The following DENND2D variants were observed in gnomAD, a reference collection of about 807,000 sequenced individuals.
DENND2D encodes the protein DENN domain-containing protein 2D.
DENND2D carries 37 observed loss-of-function variants against 59.8 expected under a neutral mutation model. That is an observed-to-expected ratio of 0.62 (90% CI 0.48 to 0.81). The LOEUF (loss-of-function observed/expected upper bound fraction) is 0.81, where lower values mean the gene tolerates loss of function less well. DENND2D is among the 40% of genes least tolerant of loss of function. DENND2D has a pLI of 0.00. For missense variants in DENND2D, 525 were observed against 579.7 expected (o/e 0.91, Z 0.97); for synonymous variants, 219 against 211.3 (o/e 1.04, Z -0.31).
chr1:111,200,487 C>A lies in DENND2D; in HGVS notation c.-28G>T. 1 of 1,591,228 alleles carries A rather than the reference C, an allele frequency of 6.3e-7. No homozygotes were observed. Among genetic ancestry groups the A allele is most frequent in the Admixed American group, 1.7e-5 (1 of 57,390 alleles). On this transcript the variant is annotated 5_prime_UTR_variant, in exon 1 of 12. Transcript: ENST00000357640. ...CTGGGCCTTCAGGACAGAGCGGACT[C>A]CCCTCTCCCCTAACACAGACAGACT...
At chr1:111,197,522 A>G in intron 4 of DENND2D, 15 of 1,390,588 alleles carry the variant, frequency 1.1e-5, no homozygotes, top group Non-Finnish European at 1.3e-5. Context: ...GAGATGAAGA[A>G]ATGGCTAAGG....
Position 111,188,150 on chromosome 1 carries a change from C to T in DENND2D, c.1320G>A (p.Lys440=), listed in dbSNP as rs578084198. The change falls in exon 11 of 12, where the codon AAG becomes AAA. Residue 440 remains lysine, a synonymous_variant. Coordinates refer to ENST00000357640, the MANE Select transcript of DENND2D (RefSeq NM_024901.5). ...LFSLFIQEAE[K]SKNPPAGYFQ... is the part of the protein sequence containing the mutation. ...CTGTACCTGCAGGAGGATTCTTGCT[C>T]TTCTCGGCTTCCTGGATGAAAAGTG... 262 of 1,614,206 alleles carry T rather than the reference C, an allele frequency of 1.6e-4. 2 individuals are homozygous for T. The South Asian group carries it at 2.7e-3, about 17-fold the overall frequency.
rs1489904341 is a variant in DENND2D at position 111,194,564 on chromosome 1, G to A, written c.794+14C>T. On this transcript the variant is annotated intron_variant, in intron 7 of 11. Transcript: ENST00000357640. Reference sequence around the variant, plus strand: ...CTGGGCAGTTCAGGTGAGCCGTCCAGGGGCTGGGCCCACCTGAGACCTTCC... The same window carrying A: ...CTGGGCAGTTCAGGTGAGCCGTCCAAGGGCTGGGCCCACCTGAGACCTTCC... The A allele has an allele frequency of 3.7e-6, 6 of 1,613,320 alleles. No homozygotes were observed. In the South Asian group the frequency reaches 6.6e-5, roughly 18 times the overall value.
intron 9 of DENND2D, 146 bp downstream of exon 9, chr1:111,189,066 G>C: frequency 1.1e-6 from 1 of 907,846 alleles, no homozygotes; most frequent in Non-Finnish European, 1.7e-6. Context: ...ATGTCCATGG[G>C]CTCCTTGAGA....
intron 7 of DENND2D, among the ~76,000 whole-genome samples, chr1:111,193,541 C>T (rs1341941763): frequency 6.6e-6 from 1 of 152,212 alleles, no homozygotes; most frequent in Non-Finnish European, 1.5e-5. Context: ...TTGGTTATCA[C>T]CCATTTTTAC....
In DENND2D at chr1:111,198,677, G is replaced by A. The variant is rs1341260299; in HGVS notation, c.309C>T (p.Phe103=). 1 of 1,614,176 alleles carries A rather than the reference G, an allele frequency of 6.2e-7. No homozygotes were observed. The highest frequency in any genetic ancestry group is 8.5e-7 in the Non-Finnish European group (1 of 1,180,028). Residue 103 remains phenylalanine, a synonymous_variant, in exon 3 of 12, where the codon TTC becomes TTT. Coordinates refer to ENST00000357640, the MANE Select transcript of DENND2D (RefSeq NM_024901.5). ...EERLLKAIPL[F]CFPDGNEWAS... ...CCCACTCATTCCCATCTGGGAAGCA[G>A]AACAAGGGGATAGCTTTGAGCAGCC...
intron 7 of DENND2D, among the ~76,000 whole-genome samples, chr1:111,192,702 A>C (rs1479767976): frequency 1.3e-5 from 2 of 152,202 alleles, no homozygotes; most frequent in African/African-American, 4.8e-5. Flanking sequence ...ACAGATGTGG[A>C]TACCAGGAAG....
At position 111,197,137 on chromosome 1, in the gene DENND2D, C is replaced by G. The variant is rs756785878; in HGVS notation, c.504+39G>C. The G allele has an allele frequency of 2.4e-6, 3 of 1,266,052 alleles. No individual in the cohort carries two copies. The African/African-American group carries it at 5.9e-5, about 25-fold the overall frequency. The allele number at this position is 1,266,052 out of a possible 1,614,324, so 78.4% of individuals were successfully genotyped here. On this transcript the variant is annotated intron_variant, in intron 5 of 11. Coordinates refer to ENST00000357640, the MANE Select transcript of DENND2D (RefSeq NM_024901.5). ...AGGCAGGGTTGGCAGCCAGAGACAG[C>G]CTGGAATATGGGCAGGCCCTGAGGA...
Position 111,186,940 on chromosome 1 carries a change from C to G in DENND2D, c.*665G>C, listed in dbSNP as rs1657284295. Among the ~76,000 whole-genome samples, 2 of 152,144 alleles carry G rather than the reference C, an allele frequency of 1.3e-5. No homozygotes were observed. Among genetic ancestry groups the G allele is most frequent in the African/African-American group, 4.8e-5 (2 of 41,436 alleles). On this transcript the variant is annotated 3_prime_UTR_variant, in exon 12 of 12. Transcript: ENST00000357640. ...CCTCCCAGGATTCTGGAAAGCACAC[C>G]TGACTCCAAACCAAGGACTTAGATG...
chr1:111,200,035 G>C, intron 1 of DENND2D: 1 of 602,714 alleles, frequency 1.7e-6, no homozygotes, highest in Non-Finnish European at 2.9e-6. Context: ...CACTGACACA[G>C]AAGCCACGGA....
At position 111,187,112 on chromosome 1, in the gene DENND2D, T is replaced by C. The variant is rs1657296465; in HGVS notation, c.*493A>G. ...ACTTGTAGTCCACTTGATTGTCATA[T>C]TCATTGCCTTATTTTCCACGAGGAA... On this transcript the variant is annotated 3_prime_UTR_variant, in exon 12 of 12. Transcript: ENST00000357640. The C allele has an allele frequency of 6.4e-6, 1 of 156,352 alleles. No homozygotes were observed. Among genetic ancestry groups the C allele is most frequent in the Non-Finnish European group, 1.4e-5 (1 of 70,508 alleles). 9.7% of individuals were successfully genotyped at this position (156,352 alleles called of 1,614,324 possible). A position where few individuals can be genotyped will look rare whatever the true frequency, so the allele number is the denominator to read the frequency against.
Position 111,200,578 on chromosome 1 carries a change from C to T in DENND2D, c.-119G>A, listed in dbSNP as rs753886940. The T allele has an allele frequency of 1.6e-4, 245 of 1,506,244 alleles. No homozygotes were observed. The highest frequency in any genetic ancestry group is 2.0e-4 in the Non-Finnish European group (225 of 1,120,716). The allele number at this position is 1,506,244 out of a possible 1,614,324, so 93.3% of individuals were successfully genotyped here. ...GCCACAACTCTGTGAAGCCAAGCCA[C>T]GCGCTGTCTTCCAGAGAGGGAATAG... is the stretch of plus-strand genomic sequence containing the variant. On this transcript the variant is annotated 5_prime_UTR_variant, in exon 1 of 12. In the 5' UTR this introduces an upstream ATG that the reference lacks. Transcript: ENST00000357640.
chr1:111,199,922 C>T, intron 1 of DENND2D, 124 bp from the exon 2 acceptor site: 1 of 1,237,142 alleles, frequency 8.1e-7, no homozygotes, highest in Non-Finnish European at 1.1e-6. Context: ...TACCTGGATA[C>T]TGGCCAGAAC....
At chr1:111,197,579 G>A in intron 4 of DENND2D, 1 of 1,355,620 alleles carries the variant, frequency 7.4e-7, no homozygotes, top group Non-Finnish European at 9.5e-7. Flanking sequence ...TGAGACCTAA[G>A]ATTTGAAACT....
At chr1:111,199,868 C>T in intron 1 of DENND2D, 70 bp from the exon 2 acceptor site, 1 of 1,549,948 alleles carries the variant, frequency 6.5e-7, no homozygotes, top group Non-Finnish European at 8.7e-7. Flanking sequence ...CTGTGAGAAT[C>T]CGGGTGACCT....
At chr1:111,199,980 C>T (rs1252672350) in intron 1 of DENND2D, 182 bp from the exon 2 acceptor site, 3 of 715,184 alleles carry the variant, frequency 4.2e-6, no homozygotes, top group Non-Finnish European at 6.7e-6. Flanking sequence ...CCACACCTGC[C>T]CTGGTAGACT....
At chr1:111,192,805 C>T (rs1322093028) in intron 7 of DENND2D, among the ~76,000 whole-genome samples, 1 of 152,166 alleles carries the variant, frequency 6.6e-6, no homozygotes, top group Non-Finnish European at 1.5e-5. Context: ...AGAGGCAAAG[C>T]CTTTTTACCT....
chr1:111,202,950 G>A (rs1251070859), upstream of DENND2D, among the ~76,000 whole-genome samples: 1 of 152,202 alleles, frequency 6.6e-6, no homozygotes, highest in Non-Finnish European at 1.5e-5. Flanking sequence ...CAACTGGAAT[G>A]TCTCCTCTGG....
Position 111,188,249 on chromosome 1 carries a change from T to A in DENND2D, c.1221A>T (p.Arg407Ser). Residue 407 changes from arginine to serine, a missense_variant, in exon 11 of 12, where the codon AGA (arginine) becomes AGT (serine). By Grantham distance (110) the Arg-to-Ser change is moderately radical (BLOSUM62 -1). Around this residue, in one of 3 missense-constraint regions of DENND2D, gnomAD observed 225 missense variants for 252.4 expected, o/e 0.89. Transcript: ENST00000357640. ...EANGQGHFQE[R>S]SFCKALTSKT... ...TGGAGGTCAGAGCCTTACAGAAGGA[T>A]CTTTCTTGGAAGTGGCCTTGCCCAT... 1 of 1,614,160 alleles carries A rather than the reference T, an allele frequency of 6.2e-7. No individual in the cohort carries two copies. The highest frequency in any genetic ancestry group is 1.1e-5 in the South Asian group (1 of 91,076).
Sources: gnomAD v4.1 joint callset for allele counts (sites outside exome capture counted in the v4.1 genomes callset) on GRCh38, gnomAD v4.1.1 for gene constraint, gnomAD v4.1.1 regional missense constraint, MANE v1.5 for transcripts, NCBI Gene and HGNC (gene_info 2026-07-23, HGNC 2026-07-21) for gene names.